Variants in ACOT6 observed in about 807,000 individuals in gnomAD.
ACOT6 encodes the protein acyl-CoA thioesterase 6, also known as acyl-coenzyme A thioesterase 6.
In ACOT6, 14 loss-of-function variants were observed where a neutral mutation model predicts 12.3. The ratio of observed to expected loss-of-function variants is 1.14; its 90% CI spans 0.75 to 1.78. The LOEUF (loss-of-function observed/expected upper bound fraction) is 1.78, where lower values mean the gene tolerates loss of function less well. Ranked by LOEUF, ACOT6 falls within the 40% of genes most tolerant of loss-of-function variation. The pLI is 0.00. For synonymous variants in ACOT6, 218 were observed against 231.3 expected, an observed-to-expected ratio of 0.94 and a Z score of 0.52; for missense variants, 523 against 551.8, an observed-to-expected ratio of 0.95 and a Z score of 0.52.
intron 1 of ACOT6, among the ~76,000 whole-genome samples, chr14:73,614,336 G>A (rs1595185436): frequency 1.3e-5 from 2 of 152,206 alleles, no homozygotes; most frequent in South Asian, 2.1e-4. Flanking sequence ...GCCTTAACTC[G>A]TGGCTGCCCA....
In ACOT6 at chr14:73,619,876, C is replaced by A; in HGVS notation, c.*37C>A. On this transcript the variant is annotated 3_prime_UTR_variant, in exon 3 of 3. Coordinates refer to ENST00000645972, the MANE Select transcript of ACOT6 (RefSeq NM_001365788.1). ...CAGACCAGATACCATTAATAAAAATCCTATTCATACAACTTGTGTTGGGTT... is the reference window on the plus strand; with the variant it reads ...CAGACCAGATACCATTAATAAAAATACTATTCATACAACTTGTGTTGGGTT... The A allele has an allele frequency of 6.6e-7, 1 of 1,518,476 alleles. No homozygotes were observed. The allele number at this position is 1,518,476 out of a possible 1,614,324, so 94.1% of individuals were successfully genotyped here.
intron 1 of ACOT6, chr14:73,616,699 AT>A (rs145141798): frequency 0.15 from 30,822 of 202,958 alleles, 3,167 homozygotes; most frequent in Non-Finnish European, 0.21. Flanking sequence ...TCAAAAAAAA[AT>A]TTTTTTTTTA....
In ACOT6 at chr14:73,617,738, A is replaced by G. The variant is rs1041599684; in HGVS notation, c.660+546A>G. Reference sequence around the variant, plus strand: ...TTTTGAGACAACTGGAGACATTTGAATGAGAATGGTGTATTTGATTATATG... The same window carrying G: ...TTTTGAGACAACTGGAGACATTTGAGTGAGAATGGTGTATTTGATTATATG... On this transcript the variant is annotated intron_variant, in intron 2 of 2. Transcript: ENST00000645972. Among the ~76,000 whole-genome samples the G allele has an allele frequency of 2.6e-5, 4 of 152,206 alleles. No homozygotes were observed. In the East Asian group the frequency reaches 7.7e-4, roughly 29 times the overall value.
At chr14:73,615,505 C>T (rs1001054758) in intron 1 of ACOT6, among the ~76,000 whole-genome samples, 52 of 149,284 alleles carry the variant, frequency 3.5e-4, no homozygotes, top group African/African-American at 1.1e-3. Context: ...CCAAGGTGGG[C>T]GGATCATCTG....
At chr14:73,613,054 C>G (rs1330916654) in intron 1 of ACOT6, 22 bp downstream of exon 1, 3 of 660,822 alleles carry the variant, frequency 4.5e-6, no homozygotes, top group African/African-American at 1.9e-5. Flanking sequence ...AGAATTTGGT[C>G]GAGCTCTGCG....
chr14:73,619,181 T>G (rs190021634), intron 2 of ACOT6, 53 bp from the exon 3 acceptor site: 1 of 1,512,914 alleles, frequency 6.6e-7, no homozygotes, highest in Non-Finnish European at 8.8e-7. Context: ...TCACTGTCTG[T>G]GTCCTCCATT....
chr14:73,611,205 T>C (rs116378954), upstream of ACOT6, among the ~76,000 whole-genome samples: 1,733 of 152,314 alleles, frequency 0.011, 32 homozygotes, highest in African/African-American at 0.04. Flanking sequence ...GGCATCACTA[T>C]ATGCTCTTCT....
intron 1 of ACOT6, among the ~76,000 whole-genome samples, chr14:73,616,186 G>A (rs555506298): frequency 2.6e-5 from 4 of 152,062 alleles, no homozygotes; most frequent in South Asian, 4.2e-4. Flanking sequence ...CAGGCTGGTC[G>A]TGAATTCCTG....
At position 73,613,025 on chromosome 14, in the gene ACOT6, C is replaced by T. The variant is rs111344855; in HGVS notation, c.454C>T (p.Pro152Ser). The change falls in exon 1 of 3, where the codon CCG becomes TCG. Residue 152 changes from proline to serine, a missense_variant. Transcript: ENST00000645972. ...GGTGCGCGCCGCGCTCTTCCTGCCG[C>T]CGGATGAGTAGTCTGCCCAGAATTT... ...GPVRAALFLP[P>S]DEGPFPGIID... The T allele has an allele frequency of 0.029, 24,854 of 843,850 alleles. 451 individuals are homozygous for T. Among genetic ancestry groups the T allele is most frequent in the Non-Finnish European group, 0.035 (20,438 of 589,784 alleles). The allele number at this position is 843,850 out of a possible 1,614,324, so 52.3% of individuals were successfully genotyped here.
chr14:73,619,586 C>T lies in ACOT6; in HGVS notation c.1013C>T (p.Ala338Val). 1 of 1,614,192 alleles carries T rather than the reference C, an allele frequency of 6.2e-7. No individual in the cohort carries two copies. The highest frequency in any genetic ancestry group is 8.5e-7 in the Non-Finnish European group (1 of 1,180,040). The change falls in exon 3 of 3, where the codon GCC (alanine) becomes GTC (valine). Residue 338 changes from alanine to valine, a missense_variant. Physicochemically the swap from Ala to Val is moderately conservative, Grantham distance 64. Coordinates refer to ENST00000645972, the MANE Select transcript of ACOT6 (RefSeq NM_001365788.1). Reference sequence around the variant, plus strand: ...AAGAGTGAATTCTATGCTCAGATAGCCTCTGAAAGGCTACAAGCTCATGGG... The same window carrying T: ...AAGAGTGAATTCTATGCTCAGATAGTCTCTGAAAGGCTACAAGCTCATGGG... ...SWKSEFYAQI[A>V]SERLQAHGKE...
At chr14:73,616,905 C>A in intron 1 of ACOT6, 89 bp from the exon 2 acceptor site, 1 of 580,088 alleles carries the variant, frequency 1.7e-6, no homozygotes, top group South Asian at 2.2e-5. Flanking sequence ...AATCTCTCTA[C>A]CCCCAATCTC....
In ACOT6 at chr14:73,612,829, C is replaced by T; in HGVS notation, c.258C>T (p.Pro86=). 7.0e-7 allele frequency: 1 copy of T among 1,424,914 alleles called. No individual in the cohort carries two copies. The highest frequency in any genetic ancestry group is 9.3e-7 in the Non-Finnish European group (1 of 1,073,492). The allele number at this position is 1,424,914 out of a possible 1,614,324, so 88.3% of individuals were successfully genotyped here. A position where few individuals can be genotyped will look rare whatever the true frequency, so the allele number is the denominator to read the frequency against. ...QPMGLLWALE[P]EKALVRLVKR... ...TGGGGCTGCTGTGGGCGTTGGAGCC[C>T]GAGAAAGCCTTGGTGCGGCTGGTGA... Residue 86 remains proline (P), a synonymous_variant, in exon 1 of 3, where the codon CCC becomes CCT. Transcript: ENST00000645972.
At chr14:73,614,878 CCT>C (rs1315716959) in intron 1 of ACOT6, among the ~76,000 whole-genome samples, 2 of 150,650 alleles carry the variant, frequency 1.3e-5, no homozygotes, top group African/African-American at 2.4e-5. Context: ...AGGTGGATCA[CCT>C]GAGGTCAGGA....
intron 2 of ACOT6, among the ~76,000 whole-genome samples, 200 bp downstream of exon 2, chr14:73,617,392 A>G (rs1890558384): frequency 6.6e-6 from 1 of 152,046 alleles, no homozygotes; most frequent in Non-Finnish European, 1.5e-5. Flanking sequence ...AGGCCGGGGG[A>G]TTGCTTGACC....
chr14:73,616,245 G>A (rs2139999270), intron 1 of ACOT6, among the ~76,000 whole-genome samples: 1 of 152,044 alleles, frequency 6.6e-6, no homozygotes, highest in South Asian at 2.1e-4. Context: ...TGGGATTATA[G>A]GCATGAACCA....
chr14:73,615,729 G>A (rs1890526676), intron 1 of ACOT6, among the ~76,000 whole-genome samples: 1 of 147,500 alleles, frequency 6.8e-6, no homozygotes, highest in Non-Finnish European at 1.5e-5. Flanking sequence ...GTGAAACCTT[G>A]TCTCAACAAA....
chr14:73,616,657 T>G (rs1320123850), intron 1 of ACOT6: 1 of 160,708 alleles, frequency 6.2e-6, no homozygotes, highest in East Asian at 1.8e-4. Flanking sequence ...ATTGCACCAC[T>G]GCACTTCAGC....
chr14:73,619,066 G>A (rs902223095), intron 2 of ACOT6, among the ~76,000 whole-genome samples, 168 bp from the exon 3 acceptor site: 13 of 152,140 alleles, frequency 8.5e-5, no homozygotes, highest in African/African-American at 3.1e-4. Flanking sequence ...GGAGGTGGAG[G>A]TTACAGTGAG....
Position 73,615,758 on chromosome 14 carries a change from AACAAACAAACAG to A in ACOT6, c.462-1235_462-1224del, listed in dbSNP as rs528426636. Among the ~76,000 whole-genome samples, 619 of 101,732 alleles carry A rather than the reference AACAAACAAACAG, an allele frequency of 6.1e-3. 1 individual carries two copies. The highest frequency in any genetic ancestry group is 9.5e-3 in the Non-Finnish European group (471 of 49,510). 66.7% of individuals were successfully genotyped at this position (101,732 alleles called of 152,430 possible). On this transcript the variant is annotated intron_variant, in intron 1 of 2. Transcript: ENST00000645972. ...CAACAAACAAACAAACAAACAAACA[AACAAACAAACAG>A]GCTGAGTGCAGTGGCTCGCACTTAA...
Sources: gnomAD v4.1 joint callset for allele counts (sites outside exome capture counted in the v4.1 genomes callset) on GRCh38, gnomAD v4.1.1 for gene constraint, MANE v1.5 for transcripts, NCBI Gene and HGNC (gene_info 2026-07-23, HGNC 2026-07-21) for gene names.